Variants in UNC5D observed in about 807,000 individuals in gnomAD.
The protein encoded by UNC5D is unc-5 netrin receptor D.
In UNC5D, 39 loss-of-function variants were observed where a neutral mutation model predicts 105.4. The observed-to-expected ratio is 0.37, with a 90% CI of 0.29 to 0.48. The LOEUF (loss-of-function observed/expected upper bound fraction) is 0.48, where lower values mean the gene tolerates loss of function less well. UNC5D is among the 20% of genes least tolerant of loss of function. The pLI, the probability that UNC5D is intolerant of heterozygous loss-of-function variation, is 0.98. For synonymous variants in UNC5D, 452 were observed against 450.4 expected (o/e 1.00, Z -0.04); for missense variants, 991 against 1,202.4 (o/e 0.82, Z 2.60).
intron 1 of UNC5D, among the ~76,000 whole-genome samples, chr8:35,465,360 C>G (rs1203712773): frequency 1.3e-5 from 2 of 152,148 alleles, no homozygotes; most frequent in African/African-American, 2.4e-5. Context: ...CCCTGCACTC[C>G]AGCCTGGGCA....
chr8:35,435,610 T>G (rs1215186360), intron 1 of UNC5D, among the ~76,000 whole-genome samples: 1 of 152,044 alleles, frequency 6.6e-6, no homozygotes, highest in African/African-American at 2.4e-5. Context: ...CAAAAAAATG[T>G]AAAGCTTTTT....
chr8:35,677,738 A>G lies in UNC5D; in HGVS notation c.571-5809A>G, dbSNP rs530593165. On this transcript the variant is annotated intron_variant, in intron 4 of 16. Coordinates refer to ENST00000404895, the MANE Select transcript of UNC5D (RefSeq NM_080872.4). ...TTTATAGACATAATTGGATTGAAGG[A>G]CCCCAGTCATAACACCATAAACATC... is the stretch of plus-strand genomic sequence containing the variant. 1.9e-4 allele frequency among the ~76,000 whole-genome samples: 29 copies of G among 151,708 alleles called. 2 individuals are homozygous for G. In the South Asian group the frequency reaches 6.1e-3, roughly 32 times the overall value.
chr8:35,235,724 G>T lies in UNC5D; in HGVS notation c.-61G>T. 1.7e-6 allele frequency: 2 copies of T among 1,197,402 alleles called. No homozygotes were observed. Among genetic ancestry groups the T allele is most frequent in the Non-Finnish European group, 1.0e-6 (1 of 957,002 alleles). The allele number at this position is 1,197,402 out of a possible 1,614,324, so 74.2% of individuals were successfully genotyped here. A position where few individuals can be genotyped will look rare whatever the true frequency, so the allele number is the denominator to read the frequency against. Reference sequence around the variant, plus strand: ...CATTCGACTCGGGACCCTCATCGCCGACCCTTTCCCGGGCTCCCGGAGCGT... The same window carrying T: ...CATTCGACTCGGGACCCTCATCGCCTACCCTTTCCCGGGCTCCCGGAGCGT... On this transcript the variant is annotated 5_prime_UTR_variant, in exon 1 of 17. Transcript: ENST00000404895.
chr8:35,323,277 A>G (rs1809893686), intron 1 of UNC5D, among the ~76,000 whole-genome samples: 1 of 150,392 alleles, frequency 6.6e-6, no homozygotes, highest in Non-Finnish European at 1.5e-5. Flanking sequence ...AAAAGTAATC[A>G]GGATTAAGCT....
At chr8:35,705,173 C>G (rs1010228251) in intron 7 of UNC5D, among the ~76,000 whole-genome samples, 1 of 152,070 alleles carries the variant, frequency 6.6e-6, no homozygotes, top group Admixed American at 6.5e-5. Context: ...ACCGTGTTAG[C>G]CAGGATGGTC....
At chr8:35,746,232 T>C (rs920640857) in intron 11 of UNC5D, among the ~76,000 whole-genome samples, 2 of 152,190 alleles carry the variant, frequency 1.3e-5, no homozygotes, top group African/African-American at 4.8e-5. Flanking sequence ...ATCACCTTGA[T>C]TGACTCCTCT....
chr8:35,614,564 TA>T (rs369056667), intron 4 of UNC5D, among the ~76,000 whole-genome samples: 34 of 146,072 alleles, frequency 2.3e-4, no homozygotes, highest in South Asian at 1.1e-3. Context: ...TAATACACTC[TA>T]AAAAAAAAAG....
At chr8:35,700,512 C>CGA (rs909926737) in intron 7 of UNC5D, among the ~76,000 whole-genome samples, 5 of 152,034 alleles carry the variant, frequency 3.3e-5, no homozygotes, top group Non-Finnish European at 5.9e-5. Context: ...GACAAACTGT[C>CGA]GAGAGAGAGA....
chr8:35,596,436 A>T (rs1284453623), intron 4 of UNC5D, among the ~76,000 whole-genome samples: 1 of 152,210 alleles, frequency 6.6e-6, no homozygotes, highest in African/African-American at 2.4e-5. Flanking sequence ...TAATATAATG[A>T]AAAGTTTATA....
At chr8:35,511,337 A>T (rs1812684123) in intron 1 of UNC5D, among the ~76,000 whole-genome samples, 1 of 152,156 alleles carries the variant, frequency 6.6e-6, no homozygotes, top group Non-Finnish European at 1.5e-5. Context: ...TATGTGATTT[A>T]GGTCTTAATT....
intron 1 of UNC5D, among the ~76,000 whole-genome samples, chr8:35,477,553 G>T (rs982440243): frequency 6.6e-6 from 1 of 151,904 alleles, no homozygotes; most frequent in Non-Finnish European, 1.5e-5. Context: ...AGTATGTGGA[G>T]AAAATTTGCA....
At chr8:35,253,614 G>A (rs1285726220) in intron 1 of UNC5D, among the ~76,000 whole-genome samples, 1 of 151,336 alleles carries the variant, frequency 6.6e-6, no homozygotes, top group Non-Finnish European at 1.5e-5. Flanking sequence ...CGCCTCCCGA[G>A]TAGCTGGGAC....
At chr8:35,319,333 T>A (rs532404328) in intron 1 of UNC5D, among the ~76,000 whole-genome samples, 1 of 152,136 alleles carries the variant, frequency 6.6e-6, no homozygotes, top group Non-Finnish European at 1.5e-5. Flanking sequence ...TGTATGCCTC[T>A]ACTTGTTAGA....
At chr8:35,687,507 T>C (rs763489469) in intron 7 of UNC5D, among the ~76,000 whole-genome samples, 1 of 151,982 alleles carries the variant, frequency 6.6e-6, no homozygotes, top group Non-Finnish European at 1.5e-5. Flanking sequence ...TGGGTGGCTT[T>C]GTATCACAGT....
intron 13 of UNC5D, among the ~76,000 whole-genome samples, chr8:35,751,151 A>T (rs1273848158): frequency 2.0e-5 from 3 of 152,134 alleles, no homozygotes; most frequent in African/African-American, 7.2e-5. Context: ...TGCTTCAGAG[A>T]TGAAGTCATA....
chr8:35,316,086 C>A (rs898338078), intron 1 of UNC5D, among the ~76,000 whole-genome samples: 1 of 152,112 alleles, frequency 6.6e-6, no homozygotes, highest in African/African-American at 2.4e-5. Flanking sequence ...ACCGACTAGG[C>A]AGTACATTAA....
intron 16 of UNC5D, among the ~76,000 whole-genome samples, chr8:35,789,559 G>A (rs918446079): frequency 2.6e-5 from 4 of 151,978 alleles, no homozygotes; most frequent in Non-Finnish European, 4.4e-5. Context: ...TTGGAGGCAC[G>A]GAGACACCAG....
At chr8:35,495,852 T>A (rs1439149) in intron 1 of UNC5D, among the ~76,000 whole-genome samples, 2 of 152,064 alleles carry the variant, frequency 1.3e-5, no homozygotes, top group African/African-American at 4.8e-5. Context: ...TAACCACTAC[T>A]AATAGAAGTT....
At chr8:35,449,206 G>T (rs1293963358) in intron 1 of UNC5D, among the ~76,000 whole-genome samples, 1 of 152,028 alleles carries the variant, frequency 6.6e-6, no homozygotes, top group Admixed American at 6.6e-5. Context: ...TTTGCAATAG[G>T]GTGAAGACTC....
Sources: allele counts gnomAD v4.1 joint callset (sites outside exome capture counted in the v4.1 genomes callset), GRCh38; gene constraint gnomAD v4.1.1; transcripts MANE v1.5; gene names NCBI Gene and HGNC (gene_info 2026-07-23, HGNC 2026-07-21).